Variants in ATR observed in about 807,000 individuals in gnomAD.
ATR encodes ATR checkpoint kinase.
ATR carries 142 observed loss-of-function variants against 305.3 expected under a neutral mutation model. The observed-to-expected ratio is 0.47, with a 90% CI of 0.41 to 0.53. The LOEUF is 0.53. Ranked by LOEUF, ATR falls within the 20% of genes least tolerant of loss-of-function variation. The pLI, the probability that ATR is intolerant of heterozygous loss-of-function variation, is 0.00. For synonymous variants in ATR, 1,050 were observed against 1,068.1 expected, an observed-to-expected ratio of 0.98 and a Z score of 0.33; for missense variants, 2,135 against 3,133.1, an observed-to-expected ratio of 0.68 and a Z score of 7.60.
chr3:142,532,311 A>G (rs1166352800), intron 21 of ATR, among the ~76,000 whole-genome samples: 1 of 152,330 alleles, frequency 6.6e-6, no homozygotes, highest in South Asian at 2.1e-4. Context: ...ATTTTATTAG[A>G]ATTCTGCATT....
Position 142,449,335 on chromosome 3 carries a change from A to G in ATR, c.*94T>C. On this transcript the variant is annotated 3_prime_UTR_variant, in exon 47 of 47. Coordinates refer to ENST00000350721, the MANE Select transcript of ATR (RefSeq NM_001184.4). ...TAACAGTTGCTGAGAACGTAAATTT[A>G]TGTTGTACTTTAGAATTGAACAGAT... is the stretch of plus-strand genomic sequence containing the variant. The G allele has an allele frequency of 8.4e-7, 1 of 1,192,496 alleles. No individual in the cohort carries two copies. 73.9% of individuals were successfully genotyped at this position (1,192,496 alleles called of 1,614,324 possible).
intron 34 of ATR, 152 bp from the exon 35 acceptor site, chr3:142,493,463 T>G: frequency 1.1e-6 from 1 of 943,150 alleles, no homozygotes; most frequent in South Asian, 1.8e-5. Context: ...ATTCTAAAAC[T>G]GAAACATTGC....
At chr3:142,545,152 A>G (rs2034218474) in intron 16 of ATR, among the ~76,000 whole-genome samples, 1 of 152,090 alleles carries the variant, frequency 6.6e-6, no homozygotes, top group African/African-American at 2.4e-5. Flanking sequence ...GGTGTACAAG[A>G]TAAGCAGAGT....
At chr3:142,549,311 T>C (rs1320672455) in intron 15 of ATR, among the ~76,000 whole-genome samples, 168 bp downstream of exon 15, 4 of 152,222 alleles carry the variant, frequency 2.6e-5, no homozygotes, top group Non-Finnish European at 4.4e-5. Context: ...AGGAGAATTC[T>C]ATTTAATATG....
chr3:142,528,879 A>ATATATATATATATTT (rs1215767510), intron 21 of ATR, among the ~76,000 whole-genome samples: 34 of 30,478 alleles, frequency 1.1e-3, no homozygotes, highest in Non-Finnish European at 1.4e-3. Flanking sequence ...ATATATATAT[A>ATATATATATATATTT]TTTTTTTTTT....
chr3:142,508,632 T>C (rs1174943184), intron 27 of ATR, among the ~76,000 whole-genome samples: 3 of 152,078 alleles, frequency 2.0e-5, no homozygotes, highest in Admixed American at 2.0e-4. Context: ...CAATAGAAAT[T>C]GAAAGTAATG....
intron 17 of ATR, among the ~76,000 whole-genome samples, 179 bp from the exon 18 acceptor site, chr3:142,541,213 A>G (rs527753345): frequency 5.9e-5 from 9 of 152,336 alleles, no homozygotes; most frequent in Admixed American, 5.9e-4. Context: ...CTTATGTGGT[A>G]ATTATAAATT....
At chr3:142,468,110 A>C (rs1347367759) in intron 38 of ATR, 42 bp from the exon 39 acceptor site, 1 of 1,602,862 alleles carries the variant, frequency 6.2e-7, no homozygotes, top group Non-Finnish European at 8.5e-7. Flanking sequence ...AAGAGTTTAT[A>C]CAGGATTTTT....
chr3:142,574,392 G>A (rs1007903387), intron 1 of ATR, among the ~76,000 whole-genome samples: 1 of 150,452 alleles, frequency 6.6e-6, no homozygotes, highest in African/African-American at 2.4e-5. Context: ...ACCCCAGGAG[G>A]CAGAGGTTGC....
At chr3:142,508,130 A>C (rs1265307983) in intron 27 of ATR, 21 bp from the exon 28 acceptor site, 1 of 1,589,152 alleles carries the variant, frequency 6.3e-7, no homozygotes, top group South Asian at 1.1e-5. Context: ...AAAAAAGTTG[A>C]GTAATTAAAG....
chr3:142,564,732 C>A (rs2035006553), intron 3 of ATR, among the ~76,000 whole-genome samples: 1 of 152,056 alleles, frequency 6.6e-6, no homozygotes, highest in Non-Finnish European at 1.5e-5. Context: ...ACTCTTATTA[C>A]ATACAATGTA....
intron 30 of ATR, among the ~76,000 whole-genome samples, chr3:142,501,208 C>T (rs1380536449): frequency 6.6e-6 from 1 of 152,086 alleles, no homozygotes; most frequent in Non-Finnish European, 1.5e-5. Flanking sequence ...CTATGTATCC[C>T]AGACCCAAAG....
chr3:142,512,329 T>C lies in ATR; in HGVS notation c.4783A>G (p.Lys1595Glu), dbSNP rs1208958623. ...TTCTCAGCTTTCAGTGCCTGAAATT[T>C]GTGCCTTGCCCACTGTGTGAGATGG... ...LDHLTQWARHKFQALKAEKCP... is the reference protein window; with the variant it reads ...LDHLTQWARHEFQALKAEKCP... Residue 1595 changes from lysine (K) to glutamate (E), a missense_variant, in exon 27 of 47, where the codon AAA becomes GAA. Physicochemically the swap from Lys to Glu is moderately conservative, Grantham distance 56 (BLOSUM62 1). Transcript: ENST00000350721. 1 of 1,614,010 alleles carries C rather than the reference T, an allele frequency of 6.2e-7. No individual in the cohort carries two copies.
chr3:142,530,125 T>C (rs1278827982), intron 21 of ATR, among the ~76,000 whole-genome samples: 2 of 152,140 alleles, frequency 1.3e-5, no homozygotes, highest in Non-Finnish European at 2.9e-5. Context: ...TCTATTTTAC[T>C]CCTTTATCTC....
In ATR at chr3:142,466,548, A is replaced by G. The variant is rs766747411; in HGVS notation, c.6688-15T>C. 1 of 1,602,758 alleles carries G rather than the reference A, an allele frequency of 6.2e-7. No individual in the cohort carries two copies. Among genetic ancestry groups the G allele is most frequent in the Admixed American group, 1.7e-5 (1 of 59,374 alleles). On this transcript the variant is annotated splice_polypyrimidine_tract_variant and intron_variant, in intron 39 of 46. Coordinates refer to ENST00000350721, the MANE Select transcript of ATR (RefSeq NM_001184.4). Reference sequence around the variant, plus strand: ...CTTCCATCAACCTGAAAAAATAAATAGTGCATTTTAATTTGTTTTTACCTT... The same window carrying G: ...CTTCCATCAACCTGAAAAAATAAATGGTGCATTTTAATTTGTTTTTACCTT...
At chr3:142,570,450 G>C (rs2035223105) in intron 1 of ATR, among the ~76,000 whole-genome samples, 1 of 152,070 alleles carries the variant, frequency 6.6e-6, no homozygotes, top group Admixed American at 6.5e-5. Flanking sequence ...GCAATGGCGC[G>C]ATCTCAGCTC....
chr3:142,484,694 C>T (rs1030289448), intron 36 of ATR, among the ~76,000 whole-genome samples: 3 of 152,080 alleles, frequency 2.0e-5, no homozygotes, highest in African/African-American at 7.2e-5. Flanking sequence ...AGACTTGCAA[C>T]TAAGGGAAGG....
chr3:142,494,823 G>A (rs771706493), intron 34 of ATR, among the ~76,000 whole-genome samples: 6 of 152,192 alleles, frequency 3.9e-5, no homozygotes, highest in Non-Finnish European at 7.3e-5. Flanking sequence ...TTTTGAAGGA[G>A]CAACATGATT....
At chr3:142,542,187 A>T (rs2034077436) in intron 17 of ATR, among the ~76,000 whole-genome samples, 1 of 152,208 alleles carries the variant, frequency 6.6e-6, no homozygotes, top group Non-Finnish European at 1.5e-5. Context: ...AGACCAATCT[A>T]AACCAAGGAG....
Sources: allele counts gnomAD v4.1 joint callset (sites outside exome capture counted in the v4.1 genomes callset), GRCh38; gene constraint gnomAD v4.1.1; transcripts MANE v1.5; gene names NCBI Gene and HGNC (gene_info 2026-07-23, HGNC 2026-07-21).